Variants in AGAP1 observed in about 807,000 individuals in gnomAD.
AGAP1 encodes arf-GAP with GTPase, ANK repeat and PH domain-containing protein 1.
In AGAP1, 29 loss-of-function variants were observed where a neutral mutation model predicts 105.3. The ratio of observed to expected loss-of-function variants is 0.28; its 90% CI spans 0.21 to 0.38. The LOEUF (loss-of-function observed/expected upper bound fraction) is 0.38. Ranked by LOEUF, AGAP1 falls within the 10% of genes least tolerant of loss-of-function variation. The pLI is 1.00. For synonymous variants in AGAP1, 509 were observed against 485.9 expected (o/e 1.05, Z -0.63); for missense variants, 998 against 1,165.1 (o/e 0.86, Z 2.09).
Position 235,687,729 on chromosome 2 carries a change from G to A in AGAP1, c.164-21450G>A, listed in dbSNP as rs1402673029. 5.3e-5 allele frequency among the ~76,000 whole-genome samples: 8 copies of A among 152,146 alleles called. No individual in the cohort carries two copies. In the East Asian group the frequency reaches 1.5e-3, roughly 29 times the overall value. ...ATCAGACTTATCTTCTTCGCAGGAT[G>A]TGGCCAGAGATTTATTTAAGACATT... On this transcript the variant is annotated intron_variant, in intron 1 of 17. Transcript: ENST00000304032.
chr2:235,821,113 GTA>G (rs1332417851), intron 9 of AGAP1, among the ~76,000 whole-genome samples: 4 of 152,176 alleles, frequency 2.6e-5, no homozygotes, highest in Non-Finnish European at 5.9e-5. Context: ...AAAACAGTGT[GTA>G]TAGCAGTTAT....
In AGAP1 at chr2:235,566,776, A is replaced by T. The variant is rs1371560420; in HGVS notation, c.163+71927A>T. ...CCCTGCCTGAAGGGGGCCCCGTGTT[A>T]GTTTCCTGTGGCTGCCGTAACAGCC... On this transcript the variant is annotated intron_variant, in intron 1 of 17. Transcript: ENST00000304032. This position sits in a 1 kb window ranked among gnomAD's most constrained non-coding sequence, Gnocchi z 5.2. Among the ~76,000 whole-genome samples, 1 of 152,190 alleles carries T rather than the reference A, an allele frequency of 6.6e-6. No individual in the cohort carries two copies. The highest frequency in any genetic ancestry group is 1.5e-5 in the Non-Finnish European group (1 of 68,030).
intron 9 of AGAP1, among the ~76,000 whole-genome samples, chr2:235,849,943 T>C (rs938208424): frequency 6.6e-6 from 1 of 152,196 alleles, no homozygotes; most frequent in African/African-American, 2.4e-5. Flanking sequence ...GTCCTGCCTT[T>C]CTCACTTTTC....
Position 235,960,698 on chromosome 2 carries a change from A to G in AGAP1, c.1484-7764A>G, listed in dbSNP as rs1032133653. On this transcript the variant is annotated intron_variant, in intron 12 of 17. Coordinates refer to ENST00000304032, the MANE Select transcript of AGAP1 (RefSeq NM_001037131.3). The surrounding 1 kb of genome is among the most constrained non-coding windows in gnomAD (Gnocchi z 4.9). ...TTGATAGGCATTCTCTTCACTCTAGAAATCAGCCCCGTGGGACAGGGGTCT... is the reference window on the plus strand; with the variant it reads ...TTGATAGGCATTCTCTTCACTCTAGGAATCAGCCCCGTGGGACAGGGGTCT... Among the ~76,000 whole-genome samples the G allele has an allele frequency of 6.6e-6, 1 of 152,180 alleles. No individual in the cohort carries two copies. Among genetic ancestry groups the G allele is most frequent in the Admixed American group, 6.5e-5 (1 of 15,278 alleles).
At chr2:236,030,092 G>A (rs1559207396) in intron 13 of AGAP1, among the ~76,000 whole-genome samples, 1 of 152,184 alleles carries the variant, frequency 6.6e-6, no homozygotes, top group Non-Finnish European at 1.5e-5. Flanking sequence ...AGTCTACACT[G>A]TTATTTTCTC....
intron 6 of AGAP1, among the ~76,000 whole-genome samples, chr2:235,779,584 C>T (rs996203714): frequency 3.9e-5 from 6 of 152,172 alleles, no homozygotes; most frequent in South Asian, 2.1e-4. Flanking sequence ...CAAGCTGCTC[C>T]TTGGAAAAGC....
chr2:236,049,418 A>G, intron 16 of AGAP1, 137 bp downstream of exon 16: 1 of 748,576 alleles, frequency 1.3e-6, no homozygotes, highest in Non-Finnish European at 2.1e-6. Flanking sequence ...CATCCGGCAT[A>G]GGAATGTCTG....
chr2:235,660,151 A>AG lies in AGAP1; in HGVS notation c.164-49022dup, dbSNP rs1947899714. On this transcript the variant is annotated intron_variant, in intron 1 of 17. Transcript: ENST00000304032. The surrounding 1 kb of genome is among the most constrained non-coding windows in gnomAD (Gnocchi z 5.3). ...AAGGGAGGGAGGGACAGGCTTTCTC[A>AG]GGGGGGCGGCCACCCAAGATCAGCT... 6.6e-6 allele frequency among the ~76,000 whole-genome samples: 1 copy of AG among 152,036 alleles called. No homozygotes were observed.
At chr2:235,680,856 C>T (rs1179247376) in intron 1 of AGAP1, among the ~76,000 whole-genome samples, 1 of 152,088 alleles carries the variant, frequency 6.6e-6, no homozygotes, top group African/African-American at 2.4e-5. Flanking sequence ...CTTCCTGGGC[C>T]AGCTTCCGCC....
chr2:236,091,558 C>T (rs1052911929), intron 16 of AGAP1, among the ~76,000 whole-genome samples: 1 of 152,154 alleles, frequency 6.6e-6, no homozygotes. Context: ...ATAGCTTGAG[C>T]CACGAGAGTT....
At chr2:236,085,880 C>T (rs796356556) in intron 16 of AGAP1, among the ~76,000 whole-genome samples, 7 of 152,350 alleles carry the variant, frequency 4.6e-5, no homozygotes, top group African/African-American at 1.7e-4. Context: ...CAATGGCTGT[C>T]CATCAGTGAT....
rs141734557 is a variant in AGAP1 at position 235,893,971 on chromosome 2, AAC to A, written c.1155+10537_1155+10538del. Reference sequence around the variant, plus strand: ...CCCTAAACTGACATAGGGTTGGGTGAACACACACACACACACGTAATCACTGC... The same window carrying A: ...CCCTAAACTGACATAGGGTTGGGTGAACACACACACACACGTAATCACTGC... On this transcript the variant is annotated intron_variant, in intron 10 of 17. Transcript: ENST00000304032. The surrounding 1 kb of genome is among the most constrained non-coding windows in gnomAD (Gnocchi z 4.7). Among the ~76,000 whole-genome samples the A allele has an allele frequency of 9.3e-5, 14 of 151,292 alleles. No individual in the cohort carries two copies. Among genetic ancestry groups the A allele is most frequent in the African/African-American group, 3.4e-4 (14 of 41,352 alleles).
rs2052649216 is a variant in AGAP1 at position 235,930,109 on chromosome 2, G to C, written c.1325-656G>C. 6.6e-6 allele frequency among the ~76,000 whole-genome samples: 1 copy of C among 152,176 alleles called. No individual in the cohort carries two copies. Among genetic ancestry groups the C allele is most frequent in the South Asian group, 2.1e-4 (1 of 4,816 alleles). The stretch of plus-strand genomic sequence containing the variant: ...TAATTCATTTTGATGTTGAGCAACT[G>C]ATTCAAATCATTAAGTATACAATGG... On this transcript the variant is annotated intron_variant, in intron 11 of 17. Transcript: ENST00000304032. The surrounding 1 kb of genome is among the most constrained non-coding windows in gnomAD (Gnocchi z 7.9).
chr2:236,017,065 G>T (rs533030518), intron 13 of AGAP1, among the ~76,000 whole-genome samples: 11 of 151,902 alleles, frequency 7.2e-5, no homozygotes, highest in African/African-American at 2.4e-4. Flanking sequence ...GAGACGGGTG[G>T]GTCACCTGAG....
In AGAP1 at chr2:235,793,422, G is replaced by A. The variant is rs1412031428; in HGVS notation, c.674-4337G>A. ...AAATTGATGACAAACTGAGGGTGCAGGGCAAAAGAACACATGATTCGTGCT... is the reference window on the plus strand; with the variant it reads ...AAATTGATGACAAACTGAGGGTGCAAGGCAAAAGAACACATGATTCGTGCT... On this transcript the variant is annotated intron_variant, in intron 6 of 17. Coordinates refer to ENST00000304032, the MANE Select transcript of AGAP1 (RefSeq NM_001037131.3). This position sits in a 1 kb window ranked among gnomAD's most constrained non-coding sequence, Gnocchi z 5.3. Among the ~76,000 whole-genome samples the A allele has an allele frequency of 6.6e-6, 1 of 152,162 alleles. No individual in the cohort carries two copies. Among genetic ancestry groups the A allele is most frequent in the East Asian group, 1.9e-4 (1 of 5,188 alleles).
rs10571046 is a variant in AGAP1 at position 235,845,602 on chromosome 2, ACC to A, written c.1051-37734_1051-37733del. On this transcript the variant is annotated intron_variant, in intron 9 of 17. Transcript: ENST00000304032. The surrounding 1 kb of genome is among the most constrained non-coding windows in gnomAD (Gnocchi z 4.8). Reference sequence around the variant, plus strand: ...TTTCCTTCCAGTTATTCCTTTCCTGACCCCCCCCCCGATCTGCTTTTTAATTT... The same window carrying A: ...TTTCCTTCCAGTTATTCCTTTCCTGACCCCCCCCGATCTGCTTTTTAATTT... 0.85 allele frequency among the ~76,000 whole-genome samples: 128,032 copies of A among 150,602 alleles called. 54,775 individuals carry two copies. The highest frequency in any genetic ancestry group is 0.95 in the African/African-American group (38,697 of 40,920).
At chr2:235,952,383 C>T (rs1489034378) in intron 12 of AGAP1, among the ~76,000 whole-genome samples, 6 of 151,152 alleles carry the variant, frequency 4.0e-5, no homozygotes, top group African/African-American at 1.5e-4. Flanking sequence ...CAGCCAAATC[C>T]TTAAAATTTA....
At chr2:236,118,915 C>G (rs754527221) in intron 16 of AGAP1, among the ~76,000 whole-genome samples, 3 of 152,066 alleles carry the variant, frequency 2.0e-5, no homozygotes, top group Non-Finnish European at 4.4e-5. Flanking sequence ...AACCAGAAAC[C>G]ATCATCAGTA....
chr2:235,939,141 T>C (rs1357364392), intron 12 of AGAP1, among the ~76,000 whole-genome samples: 1 of 152,166 alleles, frequency 6.6e-6, no homozygotes, highest in Admixed American at 6.5e-5. Flanking sequence ...AAGACAACTT[T>C]GACACCAAGT....
Sources: allele counts gnomAD v4.1 joint callset (sites outside exome capture counted in the v4.1 genomes callset), GRCh38; gene constraint gnomAD v4.1.1; non-coding constraint Gnocchi (gnomAD v3.1); transcripts MANE v1.5; gene names NCBI Gene and HGNC (gene_info 2026-07-23, HGNC 2026-07-21).